Variants in TDRD9 observed in about 807,000 individuals in gnomAD.
The protein encoded by TDRD9 is ATP-dependent RNA helicase TDRD9.
In TDRD9, 124 loss-of-function variants were observed where a neutral mutation model predicts 172.6. The ratio of observed to expected loss-of-function variants is 0.72; its 90% CI spans 0.62 to 0.83. TDRD9 has a LOEUF of 0.83. Ranked by LOEUF, TDRD9 falls within the 40% of genes least tolerant of loss-of-function variation. The pLI, the probability that TDRD9 is intolerant of heterozygous loss-of-function variation, is 0.00. For missense variants in TDRD9, 1,479 were observed against 1,714.1 expected (o/e 0.86, Z 2.42); for synonymous variants, 619 against 617.1 (o/e 1.00, Z -0.05).
At chr14:103,956,101 AAAAAAAAAAAATATAT>A (rs1447458736) in intron 2 of TDRD9, among the ~76,000 whole-genome samples, 29 of 54,220 alleles carry the variant, frequency 5.3e-4, no homozygotes, top group Non-Finnish European at 8.4e-4. Flanking sequence ...AAAAAAAAAA[AAAAAAAAAAAATATAT>A]ATATATATAT....
chr14:104,035,116 G>T lies in TDRD9; in HGVS notation c.3716+60G>T, dbSNP rs2035411884. 3 of 1,364,406 alleles carry T rather than the reference G, an allele frequency of 2.2e-6. No homozygotes were observed. The South Asian group carries it at 3.8e-5, about 17-fold the overall frequency. The allele number at this position is 1,364,406 out of a possible 1,614,324, so 84.5% of individuals were successfully genotyped here. On this transcript the variant is annotated intron_variant, in intron 32 of 35. Coordinates refer to ENST00000409874, the MANE Select transcript of TDRD9 (RefSeq NM_153046.3). The stretch of plus-strand genomic sequence containing the variant: ...AATAAGAACCTGGGCGGGAAAAAAC[G>T]GGTGCCTCTCCTTGCTCCTTTTGGA...
chr14:103,964,088 C>T (rs1027781797), intron 3 of TDRD9, among the ~76,000 whole-genome samples: 2 of 151,902 alleles, frequency 1.3e-5, no homozygotes, highest in Non-Finnish European at 2.9e-5. Flanking sequence ...CAAAACACAC[C>T]CCCCAAAATT....
rs1007899060 is a variant in TDRD9 at position 104,018,199 on chromosome 14, A to G, written c.2432+7A>G. On this transcript the variant is annotated splice_region_variant and intron_variant, in intron 23 of 35. Transcript: ENST00000409874. Reference sequence around the variant, plus strand: ...TTGTATTTGATGGTGCAAAGTAAGTATATTTTTGTAATCAACTGCAATTAT... The same window carrying G: ...TTGTATTTGATGGTGCAAAGTAAGTGTATTTTTGTAATCAACTGCAATTAT... 26 of 1,509,416 alleles carry G rather than the reference A, an allele frequency of 1.7e-5. No individual in the cohort carries two copies. Among genetic ancestry groups the G allele is most frequent in the South Asian group, 3.5e-5 (3 of 85,668 alleles). The allele number at this position is 1,509,416 out of a possible 1,614,324, so 93.5% of individuals were successfully genotyped here.
chr14:104,022,023 A>G (rs1386754172), intron 23 of TDRD9, 134 bp from the exon 24 acceptor site: 1 of 669,112 alleles, frequency 1.5e-6, no homozygotes, highest in East Asian at 2.8e-5. Context: ...CATGTTATTG[A>G]TTAATTATAA....
chr14:104,041,198 G>A (rs920146653), intron 33 of TDRD9, among the ~76,000 whole-genome samples: 3 of 152,142 alleles, frequency 2.0e-5, no homozygotes, highest in Non-Finnish European at 4.4e-5. Flanking sequence ...ATAATTGCCT[G>A]GTCACAAGAA....
At chr14:103,991,800 C>T (rs951696739) in intron 9 of TDRD9, among the ~76,000 whole-genome samples, 3 of 149,542 alleles carry the variant, frequency 2.0e-5, no homozygotes, top group Non-Finnish European at 4.4e-5. Context: ...CTCTGTTGCC[C>T]AGGCAGGGGT....
intron 1 of TDRD9, among the ~76,000 whole-genome samples, chr14:103,944,701 G>A (rs2031465891): frequency 6.6e-6 from 1 of 151,896 alleles, no homozygotes; most frequent in Non-Finnish European, 1.5e-5. Flanking sequence ...TCGTAGCTGG[G>A]ATTACAGGCG....
intron 34 of TDRD9, among the ~76,000 whole-genome samples, chr14:104,045,459 A>G (rs1156862849): frequency 9.0e-6 from 1 of 110,706 alleles, no homozygotes; most frequent in African/African-American, 3.4e-5. Flanking sequence ...TCTTTTCATT[A>G]TTGAGTTGTA....
At chr14:104,033,487 A>T (rs1362231270) in intron 30 of TDRD9, among the ~76,000 whole-genome samples, 2 of 152,224 alleles carry the variant, frequency 1.3e-5, no homozygotes, top group African/African-American at 2.4e-5. Context: ...ATGGAGCTGC[A>T]TTAGAGTCAG....
intron 6 of TDRD9, among the ~76,000 whole-genome samples, chr14:103,975,008 G>C (rs2033179491): frequency 6.6e-6 from 1 of 152,086 alleles, no homozygotes; most frequent in Non-Finnish European, 1.5e-5. Flanking sequence ...CTGGGCTCAA[G>C]TGGTCCTCCT....
At chr14:104,006,584 G>T in intron 16 of TDRD9, 30 bp downstream of exon 16, 1 of 1,611,674 alleles carries the variant, frequency 6.2e-7, no homozygotes, top group Non-Finnish European at 8.5e-7. Context: ...AATGCTAATG[G>T]GAAGTTTATA....
At chr14:104,048,236 T>A (rs1362156931) in intron 34 of TDRD9, among the ~76,000 whole-genome samples, 1 of 152,142 alleles carries the variant, frequency 6.6e-6, no homozygotes, top group Non-Finnish European at 1.5e-5. Flanking sequence ...TTTTGTTATG[T>A]TTTTAATTTT....
At chr14:103,968,219 G>A (rs184540800) in intron 5 of TDRD9, among the ~76,000 whole-genome samples, 71 of 152,354 alleles carry the variant, frequency 4.7e-4, no homozygotes, top group Non-Finnish European at 8.2e-4. Context: ...CCCTACTGGG[G>A]AGCGGTAACC....
rs571158747 is a variant in TDRD9, at chr14:103,974,712, A to G, written c.847-677A>G. On this transcript the variant is annotated intron_variant, in intron 6 of 35. Transcript: ENST00000409874. ...CTAGAGTGCAGTGGTGTGATCATAG[A>G]TCACTGCAGCCTCGACCTCCTTGGC... Among the ~76,000 whole-genome samples the G allele has an allele frequency of 4.3e-4, 65 of 151,994 alleles. 1 individual carries two copies. The Middle Eastern group carries it at 0.014, about 32-fold the overall frequency.
At chr14:103,962,173 C>A (rs111482842) in intron 2 of TDRD9, among the ~76,000 whole-genome samples, 3 of 152,152 alleles carry the variant, frequency 2.0e-5, no homozygotes, top group Non-Finnish European at 4.4e-5. Flanking sequence ...GTATCCTGAG[C>A]AGAGGCAAGC....
intron 32 of TDRD9, among the ~76,000 whole-genome samples, chr14:104,036,157 C>A (rs532077141): frequency 6.6e-6 from 1 of 152,056 alleles, no homozygotes; most frequent in South Asian, 2.1e-4. Flanking sequence ...ATACTGTATT[C>A]TTTTCCCACA....
chr14:104,045,488 T>C (rs1450976515), intron 34 of TDRD9, among the ~76,000 whole-genome samples: 3 of 152,192 alleles, frequency 2.0e-5, no homozygotes, highest in Non-Finnish European at 4.4e-5. Flanking sequence ...TTTTAAATTT[T>C]AGATACACGT....
At chr14:103,958,464 C>A (rs572669096) in intron 2 of TDRD9, among the ~76,000 whole-genome samples, 1 of 152,158 alleles carries the variant, frequency 6.6e-6, no homozygotes, top group Non-Finnish European at 1.5e-5. Flanking sequence ...TTCTAATCCC[C>A]AGGACCTGTG....
intron 28 of TDRD9, among the ~76,000 whole-genome samples, chr14:104,028,105 C>T (rs2035178111): frequency 6.6e-6 from 1 of 152,122 alleles, no homozygotes; most frequent in African/African-American, 2.4e-5. Flanking sequence ...TTGACGGACA[C>T]CTAGGTTGGT....
Sources: allele counts gnomAD v4.1 joint callset (sites outside exome capture counted in the v4.1 genomes callset), GRCh38; gene constraint gnomAD v4.1.1; transcripts MANE v1.5; gene names NCBI Gene and HGNC (gene_info 2026-07-23, HGNC 2026-07-21).